SYNPR: variants seen among roughly 807,000 people sequenced by gnomAD.
The protein encoded by SYNPR is synaptoporin.
A neutral mutation model predicts 32.9 loss-of-function variants in SYNPR; 23 were observed. That is an observed-to-expected ratio of 0.70 (90% CI 0.50 to 0.99). The LOEUF (loss-of-function observed/expected upper bound fraction) is 0.99. Among genes scored for constraint, SYNPR ranks in the 50% least tolerant of loss-of-function variants. The pLI, the probability that SYNPR is intolerant of heterozygous loss-of-function variation, is 0.00. For synonymous variants in SYNPR, 146 were observed against 135.9 expected (o/e 1.07, Z -0.52); for missense variants, 318 against 349.3 (o/e 0.91, Z 0.71).
At chr3:63,450,172 C>T (rs1700351800) in intron 2 of SYNPR, among the ~76,000 whole-genome samples, 1 of 152,120 alleles carries the variant, frequency 6.6e-6, no homozygotes, top group Admixed American at 6.6e-5. Flanking sequence ...TTCTTAGAGT[C>T]TCCCCAGTAG....
chr3:63,262,481 C>G (rs1380821662), intron 2 of SYNPR, among the ~76,000 whole-genome samples: 1 of 152,160 alleles, frequency 6.6e-6, no homozygotes, highest in Non-Finnish European at 1.5e-5. Context: ...AAGGCATTAA[C>G]TCCCCTGCAC....
chr3:63,278,785 G>A, intron 2 of SYNPR, 43 bp downstream of exon 2: 1 of 1,546,984 alleles, frequency 6.5e-7, no homozygotes, highest in South Asian at 1.2e-5. Context: ...CAGGCAGCCA[G>A]CTATCAGGTG....
chr3:63,550,311 C>A (rs768889655), intron 3 of SYNPR, among the ~76,000 whole-genome samples: 4 of 151,072 alleles, frequency 2.6e-5, no homozygotes, highest in Non-Finnish European at 5.9e-5. Flanking sequence ...TATATAAGCT[C>A]TTTTAAGCAA....
intron 4 of SYNPR, among the ~76,000 whole-genome samples, chr3:63,580,013 T>C (rs1051041695): frequency 1.3e-5 from 2 of 152,168 alleles, no homozygotes; most frequent in African/African-American, 2.4e-5. Flanking sequence ...ATAGCCATTA[T>C]ATGACCCAAT....
At chr3:63,534,163 T>A (rs1702160249) in intron 3 of SYNPR, among the ~76,000 whole-genome samples, 1 of 152,136 alleles carries the variant, frequency 6.6e-6, no homozygotes, top group Admixed American at 6.5e-5. Flanking sequence ...ATTACCTTGT[T>A]AAATTGCTTA....
At chr3:63,430,734 A>G (rs1197535616) in intron 2 of SYNPR, among the ~76,000 whole-genome samples, 1 of 152,176 alleles carries the variant, frequency 6.6e-6, no homozygotes, top group East Asian at 1.9e-4. Flanking sequence ...GCTTATTTTC[A>G]TCACTTATTT....
chr3:63,556,845 G>A (rs1420225225), intron 4 of SYNPR, 104 bp downstream of exon 4: 1 of 1,099,672 alleles, frequency 9.1e-7, no homozygotes, highest in Non-Finnish European at 1.3e-6. Context: ...TTAGGTGTTT[G>A]AAAGGAAATC....
In SYNPR at chr3:63,517,810, G is replaced by T. The variant is rs1392748163; in HGVS notation, c.209+36854G>T. On this transcript the variant is annotated intron_variant, in intron 3 of 5. Transcript: ENST00000478300. ...ATAGCCAACTCAGGGCTCCAGTTTA[G>T]TGTACCTGACCCCAAAGCCAGAATC... Among the ~76,000 whole-genome samples, 3 of 152,154 alleles carry T rather than the reference G, an allele frequency of 2.0e-5. 1 individual carries two copies. The highest frequency in any genetic ancestry group is 7.2e-5 in the African/African-American group (3 of 41,424).
intron 2 of SYNPR, among the ~76,000 whole-genome samples, chr3:63,378,962 A>C (rs985391794): frequency 2.0e-5 from 3 of 152,152 alleles, no homozygotes; most frequent in African/African-American, 7.2e-5. Context: ...CGTGCTAAGA[A>C]TACACAAAAT....
chr3:63,512,199 C>T (rs1701709993), intron 3 of SYNPR, among the ~76,000 whole-genome samples: 1 of 152,092 alleles, frequency 6.6e-6, no homozygotes, highest in African/African-American at 2.4e-5. Context: ...CAGGTCCCAA[C>T]AGGGTAGTTT....
At chr3:63,361,409 A>G (rs2087658563) in intron 2 of SYNPR, among the ~76,000 whole-genome samples, 1 of 152,016 alleles carries the variant, frequency 6.6e-6, no homozygotes, top group South Asian at 2.1e-4. Flanking sequence ...AACAAGGTAC[A>G]TGGTGAAACC....
upstream of SYNPR, among the ~76,000 whole-genome samples, chr3:63,277,640 C>G (rs2086589457): frequency 6.6e-6 from 1 of 152,154 alleles, no homozygotes; most frequent in Non-Finnish European, 1.5e-5. Flanking sequence ...GGCGCATGGT[C>G]CCACATTCAA....
chr3:63,245,710 A>T (rs9850142), intron 1 of SYNPR, among the ~76,000 whole-genome samples: 1,419 of 44,150 alleles, frequency 0.032, 17 homozygotes, highest in Non-Finnish European at 0.035. Flanking sequence ...AGAGAGAGAG[A>T]GTGTGTGTGT....
At chr3:63,296,381 G>T (rs186478333) in intron 2 of SYNPR, among the ~76,000 whole-genome samples, 1 of 152,244 alleles carries the variant, frequency 6.6e-6, no homozygotes, top group African/African-American at 2.4e-5. Flanking sequence ...TGTTCCTTCC[G>T]CACCACAGCA....
In SYNPR at chr3:63,590,985, A is replaced by T. The variant is rs1166001161; in HGVS notation, c.409-18140A>T. ...TCTAATTAAACTAAAGAGCTTCTGC[A>T]TAGCAAAAGAAACTACCATCAGAGT... On this transcript the variant is annotated intron_variant, in intron 4 of 5. Coordinates refer to ENST00000478300, the MANE Select transcript of SYNPR (RefSeq NM_001130003.2). Among the ~76,000 whole-genome samples the T allele has an allele frequency of 2.7e-5, 4 of 148,250 alleles. No individual in the cohort carries two copies. In the East Asian group the frequency reaches 8.2e-4, roughly 30 times the overall value.
chr3:63,315,188 T>C (rs1383226921), intron 2 of SYNPR, among the ~76,000 whole-genome samples: 2 of 136,702 alleles, frequency 1.5e-5, no homozygotes, highest in Non-Finnish European at 3.5e-5. Context: ...AGATTTGTTC[T>C]TTTTGCTTAG....
chr3:63,223,636 T>G (rs960412576), upstream of SYNPR, among the ~76,000 whole-genome samples: 3 of 152,158 alleles, frequency 2.0e-5, no homozygotes, highest in African/African-American at 7.2e-5. Context: ...CATAAATCAT[T>G]TAGAGCTGGT....
intron 2 of SYNPR, among the ~76,000 whole-genome samples, chr3:63,359,129 T>A (rs1038374381): frequency 6.6e-6 from 1 of 152,174 alleles, no homozygotes; most frequent in Non-Finnish European, 1.5e-5. Flanking sequence ...TACCAGAAAC[T>A]GTGCTGGGCT....
intron 2 of SYNPR, among the ~76,000 whole-genome samples, chr3:63,476,383 AGAG>A (rs1387251692): frequency 6.9e-6 from 1 of 145,258 alleles, no homozygotes; most frequent in Non-Finnish European, 1.5e-5. Flanking sequence ...GAAAGGAGGG[AGAG>A]AAGAAGGAAG....
Sources: allele counts gnomAD v4.1 joint callset (sites outside exome capture counted in the v4.1 genomes callset), GRCh38; gene constraint gnomAD v4.1.1; transcripts MANE v1.5; gene names NCBI Gene and HGNC (gene_info 2026-07-23, HGNC 2026-07-21).